CEP128: variants seen among roughly 807,000 people sequenced by gnomAD.
CEP128 encodes centrosomal protein 128.
Under a neutral mutation model 156.7 loss-of-function variants are expected in CEP128, and 132 were observed. The ratio of observed to expected loss-of-function variants is 0.84; its 90% CI spans 0.73 to 0.97. The LOEUF is 0.97. Among genes scored for constraint, CEP128 ranks in the 50% least tolerant of loss-of-function variants. The pLI is 0.00. For synonymous variants in CEP128, 469 were observed against 448.9 expected, an observed-to-expected ratio of 1.04 and a Z score of -0.57; for missense variants, 1,252 against 1,281.9, an observed-to-expected ratio of 0.98 and a Z score of 0.36.
At chr14:80,781,493 G>A (rs1901114861) in intron 15 of CEP128, among the ~76,000 whole-genome samples, 1 of 150,784 alleles carries the variant, frequency 6.6e-6, no homozygotes, top group Non-Finnish European at 1.5e-5. Context: ...ATGTACATGA[G>A]TAAGGTAGAA....
At position 80,951,922 on chromosome 14, in the gene CEP128, G is replaced by A. The variant is rs541139717; in HGVS notation, c.-172+6256C>T. On this transcript the variant is annotated intron_variant, in intron 2 of 7. Transcript: ENST00000555529. ...ATAAAGAAGGCCATTTAATAACAAT[G>A]AAGAGAACAAGAAAATAATAGTCCC... 6.6e-5 allele frequency among the ~76,000 whole-genome samples: 10 copies of A among 151,946 alleles called. No homozygotes were observed. In the South Asian group the frequency reaches 2.1e-3, roughly 32 times the overall value.
chr14:80,678,427 T>TC (rs1195300152), intron 19 of CEP128, among the ~76,000 whole-genome samples: 3 of 151,422 alleles, frequency 2.0e-5, no homozygotes, highest in Non-Finnish European at 2.9e-5. Context: ...TTTGGTTTTC[T>TC]CCCCCCACAA....
intron 2 of CEP128, among the ~76,000 whole-genome samples, chr14:80,925,187 T>G (rs1885080564): frequency 6.6e-6 from 1 of 150,396 alleles, no homozygotes; most frequent in South Asian, 2.1e-4. Context: ...ACCGGATATG[T>G]GAGTCTAAGG....
At chr14:80,706,573 A>G (rs1274589625) in intron 19 of CEP128, among the ~76,000 whole-genome samples, 1 of 151,988 alleles carries the variant, frequency 6.6e-6, no homozygotes, top group Non-Finnish European at 1.5e-5. Flanking sequence ...TCTGCTGTCA[A>G]TATTTTTTCT....
At chr14:80,660,048 T>G (rs1289410666) in intron 19 of CEP128, among the ~76,000 whole-genome samples, 1 of 152,146 alleles carries the variant, frequency 6.6e-6, no homozygotes, top group Non-Finnish European at 1.5e-5. Flanking sequence ...TGGCATGTGG[T>G]AAATGCTTAC....
chr14:80,599,810 C>T (rs750943535), intron 19 of CEP128, among the ~76,000 whole-genome samples: 5 of 151,838 alleles, frequency 3.3e-5, no homozygotes, highest in Non-Finnish European at 7.4e-5. Flanking sequence ...TGATGTCTTG[C>T]AAAATGGAAA....
At chr14:80,746,732 C>G (rs1274521904) in intron 18 of CEP128, among the ~76,000 whole-genome samples, 1 of 152,154 alleles carries the variant, frequency 6.6e-6, no homozygotes, top group African/African-American at 2.4e-5. Context: ...AAGAAAAAAG[C>G]TGACAAATTG....
chr14:80,720,442 C>G (rs923123943), intron 19 of CEP128, among the ~76,000 whole-genome samples: 4 of 152,152 alleles, frequency 2.6e-5, no homozygotes, highest in African/African-American at 9.7e-5. Flanking sequence ...GTGTCATTCC[C>G]TGCATTCCCA....
chr14:80,692,270 T>C (rs1277509598), intron 19 of CEP128, among the ~76,000 whole-genome samples: 1 of 152,156 alleles, frequency 6.6e-6, no homozygotes, highest in Non-Finnish European at 1.5e-5. Flanking sequence ...GTAAAACATT[T>C]TGCAAGAGTT....
intron 21 of CEP128, among the ~76,000 whole-genome samples, chr14:80,547,245 C>T (rs1232403378): frequency 6.6e-6 from 1 of 152,172 alleles, no homozygotes; most frequent in Non-Finnish European, 1.5e-5. Flanking sequence ...CATATTATAA[C>T]AATCTTAAAT....
chr14:80,614,692 C>G (rs990764407), intron 19 of CEP128, among the ~76,000 whole-genome samples: 60 of 152,234 alleles, frequency 3.9e-4, no homozygotes, highest in African/African-American at 1.2e-3. Context: ...ACCCAGATAC[C>G]TTCTACTAAA....
chr14:80,794,604 G>T (rs764193697), intron 13 of CEP128, among the ~76,000 whole-genome samples: 1 of 152,122 alleles, frequency 6.6e-6, no homozygotes. Flanking sequence ...AAAGAGAAAT[G>T]GAACTGATTT....
At chr14:80,952,038 A>G (rs1416499376) in intron 2 of CEP128, among the ~76,000 whole-genome samples, 1 of 152,142 alleles carries the variant, frequency 6.6e-6, no homozygotes, top group African/African-American at 2.4e-5. Flanking sequence ...TGAGGGGGAA[A>G]AAAAACAAAT....
At chr14:80,737,080 T>C (rs1484963782) in intron 19 of CEP128, among the ~76,000 whole-genome samples, 1 of 152,230 alleles carries the variant, frequency 6.6e-6, no homozygotes, top group Non-Finnish European at 1.5e-5. Context: ...GGCATAATTT[T>C]TTAAAAACTA....
chr14:80,590,451 T>C (rs1381234435), intron 19 of CEP128, among the ~76,000 whole-genome samples: 4 of 152,050 alleles, frequency 2.6e-5, no homozygotes, highest in African/African-American at 9.7e-5. Flanking sequence ...AGTCACATTT[T>C]TTAAAAATGC....
intron 19 of CEP128, among the ~76,000 whole-genome samples, chr14:80,735,996 G>T (rs1898508580): frequency 6.6e-6 from 1 of 152,022 alleles, no homozygotes; most frequent in Non-Finnish European, 1.5e-5. Context: ...AATCCCTTTT[G>T]CCATGTAAGG....
intron 13 of CEP128, among the ~76,000 whole-genome samples, chr14:80,821,099 T>C (rs1245087209): frequency 6.6e-6 from 1 of 152,230 alleles, no homozygotes; most frequent in Admixed American, 6.5e-5. Flanking sequence ...TTTACAAAGA[T>C]AATTTGTACT....
chr14:80,610,671 A>C (rs1317055704), intron 19 of CEP128, among the ~76,000 whole-genome samples: 1 of 152,144 alleles, frequency 6.6e-6, no homozygotes, highest in Non-Finnish European at 1.5e-5. Flanking sequence ...TCTTTGACTT[A>C]CCAATTCTAC....
chr14:80,486,132 A>G (rs1040334233), downstream of CEP128, among the ~76,000 whole-genome samples: 17 of 152,208 alleles, frequency 1.1e-4, no homozygotes, highest in Admixed American at 3.3e-4. Flanking sequence ...TACTCAATAA[A>G]TAAGTACTCT....
Sources: gnomAD v4.1 joint callset for allele counts (sites outside exome capture counted in the v4.1 genomes callset) on GRCh38, gnomAD v4.1.1 for gene constraint, MANE v1.5 for transcripts, NCBI Gene and HGNC (gene_info 2026-07-23, HGNC 2026-07-21) for gene names.